RGS10: variants seen among roughly 807,000 people sequenced by gnomAD.
RGS10 encodes the protein regulator of G-protein signalling 10.
In RGS10, 11 loss-of-function variants were observed where a neutral mutation model predicts 23.5. That is an observed-to-expected ratio of 0.47 (90% CI 0.29 to 0.77). RGS10 has a LOEUF of 0.77. RGS10 is among the 30% of genes least tolerant of loss of function. The pLI is 0.08. For missense variants in RGS10, 180 were observed against 226.3 expected (o/e 0.80, Z 1.31); for synonymous variants, 77 against 83.2 (o/e 0.92, Z 0.41).
chr10:119,518,562 A>AT (rs201202645), intron 3 of RGS10, among the ~76,000 whole-genome samples: 2,186 of 152,262 alleles, frequency 0.014, 60 homozygotes, highest in African/African-American at 0.05. Context: ...CGAACAGCAA[A>AT]GTCACCAGGG....
chr10:119,512,258 C>T (rs1844087040), intron 4 of RGS10, among the ~76,000 whole-genome samples: 1 of 152,156 alleles, frequency 6.6e-6, no homozygotes, highest in African/African-American at 2.4e-5. Context: ...TTGAAAGTTC[C>T]GTGAAATCTT....
intron 4 of RGS10, among the ~76,000 whole-genome samples, chr10:119,501,615 CA>C (rs1843954002): frequency 6.6e-6 from 1 of 151,990 alleles, no homozygotes; most frequent in South Asian, 2.1e-4. Context: ...CCCAGCTATT[CA>C]GGAGGCTGAG....
At chr10:119,535,003 G>C (rs1363476285) in intron 1 of RGS10, among the ~76,000 whole-genome samples, 1 of 152,146 alleles carries the variant, frequency 6.6e-6, no homozygotes, top group Non-Finnish European at 1.5e-5. Flanking sequence ...TACTGACGTG[G>C]TTAGTATTAT....
At chr10:119,515,239 T>G in intron 4 of RGS10, 1 of 422,878 alleles carries the variant, frequency 2.4e-6, no homozygotes, top group South Asian at 2.6e-5. Flanking sequence ...CAGCCTCCCC[T>G]CTAATCTGGA....
chr10:119,533,418 TAC>T, intron 1 of RGS10, among the ~76,000 whole-genome samples: 1 of 152,020 alleles, frequency 6.6e-6, no homozygotes, highest in Non-Finnish European at 1.5e-5. Context: ...AGTAAATAAA[TAC>T]ATATATACAT....
chr10:119,508,851 C>T (rs1402882774), intron 4 of RGS10, among the ~76,000 whole-genome samples: 1 of 152,204 alleles, frequency 6.6e-6, no homozygotes, highest in Non-Finnish European at 1.5e-5. Context: ...CACAGCAGCA[C>T]TTTAGGAAGC....
intron 1 of RGS10, among the ~76,000 whole-genome samples, chr10:119,541,451 T>C (rs1844433799): frequency 6.6e-6 from 1 of 152,136 alleles, no homozygotes; most frequent in Non-Finnish European, 1.5e-5. Context: ...TTAAGTACTT[T>C]AAAAGGCGAG....
In RGS10 at chr10:119,517,522, G is replaced by A. The variant is rs1205939574; in HGVS notation, c.256-1870C>T. 1.3e-5 allele frequency among the ~76,000 whole-genome samples: 2 copies of A among 152,136 alleles called. No homozygotes were observed. Among genetic ancestry groups the A allele is most frequent in the African/African-American group, 2.4e-5 (1 of 41,434 alleles). On this transcript the variant is annotated intron_variant, in intron 3 of 4. Transcript: ENST00000369103. This position sits in a 1 kb window ranked among gnomAD's most constrained non-coding sequence, Gnocchi z 5.0. ...AGCCTCCCTCCACCACCCCCATTCC[G>A]TCAGGAAGCAACCCTTTTGGAAAAC...
At chr10:119,537,130 C>T (rs1284335375) in intron 1 of RGS10, among the ~76,000 whole-genome samples, 3 of 152,012 alleles carry the variant, frequency 2.0e-5, no homozygotes, top group African/African-American at 7.2e-5. Context: ...TGGTGGCTCA[C>T]GCCTGTAATC....
At chr10:119,521,606 AAAGAAAGGAAGGAAGGAAAGAAAGG>A (rs1844216409) in intron 3 of RGS10, among the ~76,000 whole-genome samples, 3 of 126,930 alleles carry the variant, frequency 2.4e-5, no homozygotes, top group Non-Finnish European at 5.0e-5. Context: ...GGAAGGAAAG[AAAGAAAGGAAGGAAGGAAAGAAAGG>A]AAGGAAGGAA....
chr10:119,519,677 G>A (rs1443901728), intron 3 of RGS10, among the ~76,000 whole-genome samples: 1 of 53,882 alleles, frequency 1.9e-5, no homozygotes, highest in Non-Finnish European at 3.3e-5. Context: ...CTCCCTGTCT[G>A]CCCCCCAGCT....
intron 4 of RGS10, among the ~76,000 whole-genome samples, chr10:119,514,827 G>T (rs1196214130): frequency 1.3e-5 from 2 of 152,098 alleles, no homozygotes; most frequent in Non-Finnish European, 2.9e-5. Flanking sequence ...CCAGGGTGGG[G>T]TCGATATCCT....
At chr10:119,511,966 G>A (rs565308310) in intron 4 of RGS10, among the ~76,000 whole-genome samples, 1 of 152,194 alleles carries the variant, frequency 6.6e-6, no homozygotes, top group Admixed American at 6.5e-5. Context: ...GAATAAACAG[G>A]ACCTGACTGA....
intron 1 of RGS10, among the ~76,000 whole-genome samples, chr10:119,539,345 T>A (rs1343617251): frequency 6.6e-6 from 1 of 152,230 alleles, no homozygotes; most frequent in Non-Finnish European, 1.5e-5. Flanking sequence ...TTTAATCGGA[T>A]CCTGTATGAC....
chr10:119,542,450 G>A, intron 1 of RGS10, 140 bp downstream of exon 1: 1 of 643,860 alleles, frequency 1.6e-6, no homozygotes, highest in Non-Finnish European at 2.3e-6. Context: ...GTACCCAGCG[G>A]GGAGAGGTGG....
chr10:119,515,369 G>GCC, intron 4 of RGS10, 140 bp downstream of exon 4: 1 of 958,376 alleles, frequency 1.0e-6, no homozygotes, highest in South Asian at 1.6e-5. Flanking sequence ...CCCAACCATG[G>GCC]CCCCTCAGTG....
chr10:119,514,941 A>G (rs563949122), intron 4 of RGS10, among the ~76,000 whole-genome samples: 64 of 152,172 alleles, frequency 4.2e-4, no homozygotes, highest in Non-Finnish European at 7.5e-4. Flanking sequence ...CAAATTCACC[A>G]CTTCCAGGAG....
chr10:119,526,051 T>C lies in RGS10; in HGVS notation c.236A>G (p.Lys79Arg). Residue 79 changes from lysine to arginine, a missense_variant, in exon 3 of 5, where the codon AAA becomes AGA. By Grantham distance (26) the Lys-to-Arg change is conservative. Transcript: ENST00000369103. The part of the protein sequence containing the change: ...LFWLACEDFK[K>R]MQDKTQMQEK... Reference sequence around the variant, plus strand: ...AAATACCTGCGTCTTATCTTGCATTTTCTTAAAATCTTCACATGCTAGCCA... The same window carrying C: ...AAATACCTGCGTCTTATCTTGCATTCTCTTAAAATCTTCACATGCTAGCCA... 1 of 1,575,352 alleles carries C rather than the reference T, an allele frequency of 6.3e-7. No individual in the cohort carries two copies. The highest frequency in any genetic ancestry group is 8.6e-7 in the Non-Finnish European group (1 of 1,160,630).
At chr10:119,528,418 T>C (rs903276533) in intron 1 of RGS10, among the ~76,000 whole-genome samples, 14 of 152,200 alleles carry the variant, frequency 9.2e-5, no homozygotes, top group Non-Finnish European at 1.8e-4. Context: ...AAAGACAGGA[T>C]CGGTTATGCT....
Sources: gnomAD v4.1 joint callset for allele counts (sites outside exome capture counted in the v4.1 genomes callset) on GRCh38, gnomAD v4.1.1 for gene constraint, Gnocchi (gnomAD v3.1) non-coding constraint, MANE v1.5 for transcripts, NCBI Gene and HGNC (gene_info 2026-07-23, HGNC 2026-07-21) for gene names.